PPFIA2: variants seen among roughly 807,000 people sequenced by gnomAD.
PPFIA2 encodes liprin-alpha-2.
Under a neutral mutation model 175.5 loss-of-function variants are expected in PPFIA2, and 46 were observed. The ratio of observed to expected loss-of-function variants is 0.26; its 90% CI spans 0.21 to 0.34. The LOEUF is 0.34. PPFIA2 is among the 10% of genes least tolerant of loss of function. The pLI is 1.00. For missense variants in PPFIA2, 1,179 were observed against 1,506.1 expected (o/e 0.78, Z 3.60); for synonymous variants, 568 against 511.4 (o/e 1.11, Z -1.49).
chr12:81,722,128 C>T (rs1035097432), intron 3 of PPFIA2, among the ~76,000 whole-genome samples: 2 of 150,866 alleles, frequency 1.3e-5, no homozygotes, highest in Non-Finnish European at 3.0e-5. Context: ...TTTTATTGTA[C>T]AACTTCATAC....
chr12:81,655,679 T>C (rs1319444493), intron 4 of PPFIA2, among the ~76,000 whole-genome samples: 1 of 152,030 alleles, frequency 6.6e-6, no homozygotes, highest in Non-Finnish European at 1.5e-5. Context: ...GTATTCTATA[T>C]GATTTCAATT....
intron 24 of PPFIA2, among the ~76,000 whole-genome samples, chr12:81,288,353 A>T (rs1426347185): frequency 6.6e-6 from 1 of 151,838 alleles, no homozygotes; most frequent in East Asian, 1.9e-4. Flanking sequence ...GCCTCTTTAA[A>T]TTTTATGCTT....
intron 4 of PPFIA2, among the ~76,000 whole-genome samples, chr12:81,496,668 G>T (rs1380713541): frequency 6.6e-6 from 1 of 152,134 alleles, no homozygotes; most frequent in Non-Finnish European, 1.5e-5. Context: ...TAATATACAA[G>T]ATCAGAGAGT....
chr12:81,452,445 T>C (rs2052761874), intron 5 of PPFIA2, among the ~76,000 whole-genome samples: 1 of 152,182 alleles, frequency 6.6e-6, no homozygotes, highest in South Asian at 2.1e-4. Context: ...ACTCCATATC[T>C]TTTACCCTCA....
chr12:81,562,874 A>AAAAAAAG (rs1567344308), intron 4 of PPFIA2, among the ~76,000 whole-genome samples: 2 of 149,454 alleles, frequency 1.3e-5, no homozygotes, highest in African/African-American at 4.9e-5. Context: ...AAAAAAAAAA[A>AAAAAAAG]AGAGAGAGTA....
chr12:81,412,859 C>A (rs2143010080), intron 7 of PPFIA2, among the ~76,000 whole-genome samples: 1 of 152,010 alleles, frequency 6.6e-6, no homozygotes, highest in South Asian at 2.1e-4. Flanking sequence ...CTTGCCTCTT[C>A]AATTTTATCT....
At chr12:81,371,910 A>AAC (rs56726535) in intron 11 of PPFIA2, among the ~76,000 whole-genome samples, 1,734 of 145,672 alleles carry the variant, frequency 0.012, 15 homozygotes, top group African/African-American at 0.023. Context: ...CACACACACA[A>AAC]ACACACACAC....
intron 4 of PPFIA2, among the ~76,000 whole-genome samples, chr12:81,637,236 ATTT>A (rs71098156): frequency 1.2e-4 from 8 of 65,914 alleles, no homozygotes; most frequent in Non-Finnish European, 1.6e-4. Context: ...CGCCAGGCTA[ATTT>A]TTTTTTTTTT....
intron 4 of PPFIA2, among the ~76,000 whole-genome samples, chr12:81,662,550 C>T (rs576928752): frequency 1.3e-5 from 2 of 152,236 alleles, no homozygotes; most frequent in African/African-American, 2.4e-5. Context: ...GAAATTGAGG[C>T]TATAATTAAT....
intron 22 of PPFIA2, among the ~76,000 whole-genome samples, chr12:81,303,087 G>A (rs765051198): frequency 8.5e-5 from 13 of 152,118 alleles, no homozygotes; most frequent in Admixed American, 2.6e-4. Flanking sequence ...GCTGTTCTCC[G>A]TTCAACCTGT....
chr12:81,749,342 TA>T (rs2083450845), intron 3 of PPFIA2, among the ~76,000 whole-genome samples: 1 of 144,056 alleles, frequency 6.9e-6, no homozygotes, highest in Non-Finnish European at 1.6e-5. Flanking sequence ...CTCTATTCCC[TA>T]AACTGTCTGA....
chr12:81,501,119 A>G (rs780591648), intron 4 of PPFIA2, among the ~76,000 whole-genome samples: 1 of 152,214 alleles, frequency 6.6e-6, no homozygotes, highest in Non-Finnish European at 1.5e-5. Context: ...CCTTTAGCCT[A>G]TGATGTCCTA....
chr12:81,441,777 G>A (rs771047716), intron 6 of PPFIA2, among the ~76,000 whole-genome samples: 32 of 152,034 alleles, frequency 2.1e-4, no homozygotes, highest in Non-Finnish European at 3.8e-4. Flanking sequence ...AATACCAACT[G>A]TAAAATACGG....
Position 81,504,846 on chromosome 12 carries a change from G to A in PPFIA2, c.304-46980C>T, listed in dbSNP as rs7132708. On this transcript the variant is annotated intron_variant, in intron 4 of 32. Coordinates refer to ENST00000549396, the MANE Select transcript of PPFIA2 (RefSeq NM_003625.5). ...AGGATGAGTTCATATCCTTTGCAGG[G>A]ACATGGATGAAGCCGGAAACCATCA... 7.5e-3 allele frequency among the ~76,000 whole-genome samples: 1,147 copies of A among 152,226 alleles called. 15 individuals are homozygous for A. Among genetic ancestry groups the A allele is most frequent in the African/African-American group, 0.025 (1,054 of 41,534 alleles).
chr12:81,650,242 C>A (rs913972757), intron 4 of PPFIA2, among the ~76,000 whole-genome samples: 1 of 151,976 alleles, frequency 6.6e-6, no homozygotes, highest in Non-Finnish European at 1.5e-5. Context: ...ATCTCCTGAC[C>A]TCGTGATCTG....
intron 4 of PPFIA2, among the ~76,000 whole-genome samples, chr12:81,538,114 GAA>G (rs1247502759): frequency 6.6e-6 from 1 of 151,868 alleles, no homozygotes; most frequent in Non-Finnish European, 1.5e-5. Context: ...TGTAATGTTA[GAA>G]AGTTATTATA....
chr12:81,258,358 AAATGT>A lies in PPFIA2; in HGVS notation c.*1331_*1335del, dbSNP rs1243780135. The stretch of plus-strand genomic sequence containing the variant: ...GTTAAATAAAAATAGACATCAAAAC[AAATGT>A]AATGTACGTGCAAACATAGCAAATT... On this transcript the variant is annotated 3_prime_UTR_variant, in exon 33 of 33. Transcript: ENST00000549396. 1.5e-4 allele frequency: 23 copies of A among 152,322 alleles called. No individual in the cohort carries two copies. The highest frequency in any genetic ancestry group is 2.5e-4 in the Non-Finnish European group (17 of 68,024). The allele number at this position is 152,322 out of a possible 1,614,324, so 9.4% of individuals were successfully genotyped here. A position where few individuals can be genotyped will look rare whatever the true frequency, so the allele number is the denominator to read the frequency against.
intron 4 of PPFIA2, among the ~76,000 whole-genome samples, chr12:81,580,560 TA>T (rs2074251597): frequency 6.6e-6 from 1 of 151,536 alleles, no homozygotes; most frequent in South Asian, 2.1e-4. Context: ...TATAAATAAA[TA>T]TATTTTAAAT....
intron 4 of PPFIA2, among the ~76,000 whole-genome samples, chr12:81,631,797 C>T (rs755461117): frequency 6.6e-6 from 1 of 152,146 alleles, no homozygotes. Flanking sequence ...CCAAACACCT[C>T]GCCTCAAGTA....
Sources: gnomAD v4.1 joint callset for allele counts (sites outside exome capture counted in the v4.1 genomes callset) on GRCh38, gnomAD v4.1.1 for gene constraint, MANE v1.5 for transcripts, NCBI Gene and HGNC (gene_info 2026-07-23, HGNC 2026-07-21) for gene names.